TRPS1: variants seen among roughly 807,000 people sequenced by gnomAD.
TRPS1 encodes transcriptional repressor GATA binding 1, also known as zinc finger transcription factor Trps1.
In TRPS1, 6 loss-of-function variants were observed where a neutral mutation model predicts 101.2. The ratio of observed to expected loss-of-function variants is 0.06; its 90% CI spans 0.03 to 0.12. The LOEUF (loss-of-function observed/expected upper bound fraction) is 0.12. Among genes scored for constraint, TRPS1 ranks in the 10% least tolerant of loss-of-function variants. The pLI is 1.00. For missense variants in TRPS1, 1,363 were observed against 1,567.0 expected (o/e 0.87, Z 2.20); for synonymous variants, 578 against 589.8 (o/e 0.98, Z 0.29).
chr8:115,578,731 C>T (rs1385514089), intron 5 of TRPS1, among the ~76,000 whole-genome samples: 5 of 151,914 alleles, frequency 3.3e-5, no homozygotes, highest in Admixed American at 6.6e-5. Context: ...AATATGAACA[C>T]GAAAGTATTT....
At chr8:115,529,991 G>A (rs1420020194) in intron 5 of TRPS1, among the ~76,000 whole-genome samples, 2 of 152,058 alleles carry the variant, frequency 1.3e-5, no homozygotes, top group African/African-American at 2.4e-5. Context: ...CAGAAAGAAA[G>A]GGGTAAAGAC....
intron 5 of TRPS1, among the ~76,000 whole-genome samples, chr8:115,479,711 C>A (rs1168308546): frequency 1.3e-5 from 2 of 152,094 alleles, no homozygotes. Flanking sequence ...ATTAATAATA[C>A]ATCAACAGAA....
intron 5 of TRPS1, among the ~76,000 whole-genome samples, chr8:115,467,083 T>A (rs1407429774): frequency 2.6e-5 from 4 of 152,172 alleles, no homozygotes; most frequent in Non-Finnish European, 5.9e-5. Flanking sequence ...CTTAAAGAAA[T>A]TTTGAATGTT....
At chr8:115,472,570 G>A (rs1370900108) in intron 5 of TRPS1, among the ~76,000 whole-genome samples, 1 of 152,180 alleles carries the variant, frequency 6.6e-6, no homozygotes, top group Non-Finnish European at 1.5e-5. Flanking sequence ...AATTTCTGCA[G>A]GAGGCTTGAA....
intron 1 of TRPS1, among the ~76,000 whole-genome samples, chr8:115,623,970 T>C (rs1397835178): frequency 6.6e-6 from 1 of 152,018 alleles, no homozygotes; most frequent in Non-Finnish European, 1.5e-5. Flanking sequence ...TTACAGGACA[T>C]AAGTCATTTT....
chr8:115,647,351 G>C (rs2737246), intron 1 of TRPS1, among the ~76,000 whole-genome samples: 36,747 of 152,072 alleles, frequency 0.24, 4,858 homozygotes, highest in Admixed American at 0.3. Context: ...AAATAAGCTT[G>C]ATGATGTAAA....
intron 3 of TRPS1, among the ~76,000 whole-genome samples, chr8:115,615,578 G>A (rs978371772): frequency 6.6e-6 from 1 of 152,116 alleles, no homozygotes; most frequent in Non-Finnish European, 1.5e-5. Flanking sequence ...GGCCAATATG[G>A]TGAAACCCCG....
At chr8:115,437,999 T>A (rs903694841) in intron 5 of TRPS1, among the ~76,000 whole-genome samples, 1 of 152,210 alleles carries the variant, frequency 6.6e-6, no homozygotes, top group Admixed American at 6.5e-5. Context: ...TTATTAAGGC[T>A]AAAATACCAA....
intron 5 of TRPS1, among the ~76,000 whole-genome samples, chr8:115,517,497 G>A (rs926574514): frequency 3.3e-5 from 5 of 151,526 alleles, no homozygotes; most frequent in Non-Finnish European, 7.4e-5. Flanking sequence ...GATGCCAAAG[G>A]ATGTCATAGG....
At chr8:115,591,825 T>C (rs1046965079) in intron 4 of TRPS1, among the ~76,000 whole-genome samples, 13 of 152,292 alleles carry the variant, frequency 8.5e-5, no homozygotes, top group Middle Eastern at 3.4e-3. Flanking sequence ...ACAAGCTCAA[T>C]TCACACTTCT....
intron 5 of TRPS1, among the ~76,000 whole-genome samples, chr8:115,508,710 C>A (rs1238325589): frequency 2.0e-5 from 3 of 151,906 alleles, no homozygotes. Flanking sequence ...TGTTGAATGG[C>A]ATAAGAAACA....
At chr8:115,528,867 T>A (rs1816063178) in intron 5 of TRPS1, among the ~76,000 whole-genome samples, 1 of 152,080 alleles carries the variant, frequency 6.6e-6, no homozygotes, top group African/African-American at 2.4e-5. Flanking sequence ...TTTTTATGAT[T>A]CTTTTAAAAA....
At position 115,408,521 on chromosome 8, in the gene TRPS1, T is replaced by C. The variant is rs1201973308; in HGVS notation, c.*5502A>G. The C allele has an allele frequency of 6.7e-6, 1 of 149,172 alleles. No individual in the cohort carries two copies. Among genetic ancestry groups the C allele is most frequent in the Non-Finnish European group, 1.5e-5 (1 of 67,002 alleles). 9.2% of individuals were successfully genotyped at this position (149,172 alleles called of 1,614,324 possible). On this transcript the variant is annotated 3_prime_UTR_variant, in exon 7 of 7. Coordinates refer to ENST00000395715, the MANE Select transcript of TRPS1 (RefSeq NM_014112.5). Reference sequence around the variant, plus strand: ...TGTGTAACTGGTGGTAAAACTTTATTATTCAAGTTTAGATGTAACAGACAT... The same window carrying C: ...TGTGTAACTGGTGGTAAAACTTTATCATTCAAGTTTAGATGTAACAGACAT...
chr8:115,565,640 A>C (rs1285876695), intron 5 of TRPS1, among the ~76,000 whole-genome samples: 1 of 152,102 alleles, frequency 6.6e-6, no homozygotes, highest in Non-Finnish European at 1.5e-5. Flanking sequence ...AAAAAGAAAA[A>C]AATTCCACCC....
chr8:115,595,861 TTTTA>T lies in TRPS1; in HGVS notation c.2096+8008_2096+8011del, dbSNP rs540235325. Among the ~76,000 whole-genome samples, 15 of 151,796 alleles carry T rather than the reference TTTTA, an allele frequency of 9.9e-5. No individual in the cohort carries two copies. The East Asian group carries it at 2.5e-3, about 25-fold the overall frequency. On this transcript the variant is annotated intron_variant, in intron 4 of 6. Transcript: ENST00000395715. ...ATAAAGGTAATATTGCTTTGTGAGG[TTTTA>T]TTTGTTTGTTTGTTTGTTTGTTTGG...
In TRPS1 at chr8:115,415,076, C is replaced by T. The variant is rs546558272; in HGVS notation, c.2832G>A (p.Arg944=). 2.5e-6 allele frequency: 4 copies of T among 1,596,384 alleles called. No individual in the cohort carries two copies. In the South Asian group the frequency reaches 3.4e-5, roughly 14 times the overall value. Residue 944 remains arginine (R), a synonymous_variant, in exon 7 of 7, where the codon AGG becomes AGA. Transcript: ENST00000395715. The part of the protein sequence containing the change: ...GLYQKLHSTP[R]PLNIIKQNNG... ...TGTTTTGTTTAATGATGTTTAAAGG[C>T]CTGGGAGTCTGCAGAGAACACATAC...
At chr8:115,425,722 C>T (rs1221734177) in intron 5 of TRPS1, among the ~76,000 whole-genome samples, 5 of 152,178 alleles carry the variant, frequency 3.3e-5, no homozygotes, top group East Asian at 3.9e-4. Flanking sequence ...AGATTCTTTA[C>T]ATCTCAAGGT....
intron 5 of TRPS1, among the ~76,000 whole-genome samples, chr8:115,441,077 C>T (rs1196635574): frequency 6.6e-6 from 1 of 152,188 alleles, no homozygotes; most frequent in Non-Finnish European, 1.5e-5. Context: ...CTTCTATCTC[C>T]ATGAAGTGGT....
chr8:115,552,935 C>T (rs17715679), intron 5 of TRPS1, among the ~76,000 whole-genome samples: 18,034 of 151,866 alleles, frequency 0.12, 1,348 homozygotes, highest in Admixed American at 0.19. Context: ...TAAATTTGAC[C>T]TAGTACAATG....
Sources: allele counts gnomAD v4.1 joint callset (sites outside exome capture counted in the v4.1 genomes callset), GRCh38; gene constraint gnomAD v4.1.1; transcripts MANE v1.5; gene names NCBI Gene and HGNC (gene_info 2026-07-23, HGNC 2026-07-21).